Variants in NBAS observed in about 807,000 individuals in gnomAD.
NBAS encodes NAG/BC035112 fusion.
In NBAS, 219 loss-of-function variants were observed where a neutral mutation model predicts 302.5. That is an observed-to-expected ratio of 0.72 (90% CI 0.65 to 0.81). NBAS has a LOEUF of 0.81. NBAS is among the 30% of genes least tolerant of loss of function. NBAS has a pLI of 0.00. For missense variants in NBAS, 2,932 were observed against 2,841.6 expected (o/e 1.03, Z -0.72); for synonymous variants, 1,118 against 1,021.6 (o/e 1.09, Z -1.80).
intron 44 of NBAS, among the ~76,000 whole-genome samples, chr2:15,274,921 C>T (rs374999031): frequency 6.6e-6 from 1 of 151,714 alleles, no homozygotes; most frequent in Non-Finnish European, 1.5e-5. Flanking sequence ...CATACCACCA[C>T]ACCCAGGTAA....
At chr2:14,812,534 G>T in the NBAS span, among the ~76,000 whole-genome samples, 1 of 152,140 alleles carries the variant, frequency 6.6e-6, no homozygotes, top group African/African-American at 2.4e-5. Context: ...AGCCAGAACT[G>T]TGTTGTTTTT....
chr2:15,163,254 C>A (rs1387930504), downstream of NBAS, among the ~76,000 whole-genome samples: 1 of 152,196 alleles, frequency 6.6e-6, no homozygotes. Context: ...CAAGCCAAGT[C>A]CAGCATCCCC....
rs150463237 is a variant in NBAS, at chr2:15,238,530, A to C, written c.5881T>G (p.Ser1961Ala). The change falls in exon 45 of 52, where the codon TCA becomes GCA. Residue 1961 changes from serine to alanine, a missense_variant. By Grantham distance (99) the Ser-to-Ala change is moderately conservative (BLOSUM62 1). Transcript: ENST00000281513. Reference protein sequence around the residue: ...YADTLNHLEKSLAHLETLSHS... With the variant: ...YADTLNHLEKALAHLETLSHS... ...CTCAGGGTTTCCAGGTGGGCAAGTG[A>C]TTTCTCCAGATGATTCAAAGTATCT... 3 of 1,614,184 alleles carry C rather than the reference A, an allele frequency of 1.9e-6. No homozygotes were observed. The African/African-American group carries it at 4.0e-5, about 22-fold the overall frequency.
chr2:15,559,046 G>C lies in NBAS; in HGVS notation c.118-412C>G, dbSNP rs1158100071. ...CCACTGCACTCCAGCCTGGGTGACAGAGTGAGACCCTGCCTCAAAAAAAAA... is the reference window on the plus strand; with the variant it reads ...CCACTGCACTCCAGCCTGGGTGACACAGTGAGACCCTGCCTCAAAAAAAAA... On this transcript the variant is annotated intron_variant, in intron 1 of 51. Transcript: ENST00000281513. 2.9e-5 allele frequency among the ~76,000 whole-genome samples: 3 copies of C among 101,894 alleles called. No homozygotes were observed. The East Asian group carries it at 8.4e-4, about 29-fold the overall frequency. 66.8% of individuals were successfully genotyped at this position (101,894 alleles called of 152,430 possible).
At chr2:15,451,024 C>CTTCA (rs143577908) in intron 21 of NBAS, among the ~76,000 whole-genome samples, 10,618 of 151,428 alleles carry the variant, frequency 0.07, 985 homozygotes, top group African/African-American at 0.21. Flanking sequence ...GGTAATTTAG[C>CTTCA]TTCATTCATT....
At chr2:15,483,486 G>A (rs79264042) in intron 12 of NBAS, 7,505 of 228,106 alleles carry the variant, frequency 0.033, 480 homozygotes, top group African/African-American at 0.14. Context: ...AATTAAGGCC[G>A]AAAATGAGAT....
the NBAS span, among the ~76,000 whole-genome samples, chr2:14,897,077 C>T: frequency 0.51 from 58,207 of 115,140 alleles, 14,881 homozygotes; most frequent in African/African-American, 0.78. Context: ...TTTTTTTTTT[C>T]CATCATTTTA....
the NBAS span, among the ~76,000 whole-genome samples, chr2:15,050,191 C>T: frequency 7.2e-5 from 11 of 152,262 alleles, no homozygotes; most frequent in South Asian, 2.1e-4. Flanking sequence ...CCAGCACACT[C>T]GAACCAAAAA....
At chr2:15,078,019 T>C in the NBAS span, among the ~76,000 whole-genome samples, 1 of 152,132 alleles carries the variant, frequency 6.6e-6, no homozygotes, top group Non-Finnish European at 1.5e-5. Flanking sequence ...CTCTGAATCA[T>C]GATTTTGAAG....
At chr2:15,397,677 T>A in intron 26 of NBAS, 1 of 534,574 alleles carries the variant, frequency 1.9e-6, no homozygotes. Flanking sequence ...AATTTCTTAA[T>A]GCCCTTGTAC....
At chr2:15,366,501 A>ATATTCTGC (rs1237018362) in intron 32 of NBAS, 79 bp downstream of exon 32, 7 of 1,335,902 alleles carry the variant, frequency 5.2e-6, no homozygotes, top group Non-Finnish European at 7.5e-6. Context: ...CTGTAAGCAC[A>ATATTCTGC]TATTCTGCTA....
At chr2:14,902,281 G>A in the NBAS span, among the ~76,000 whole-genome samples, 4 of 152,132 alleles carry the variant, frequency 2.6e-5, no homozygotes, top group African/African-American at 4.8e-5. Flanking sequence ...ACAGGCATGC[G>A]CCACCATACT....
Position 15,427,765 on chromosome 2 carries a change from G to A in NBAS, c.2369C>T (p.Pro790Leu), listed in dbSNP as rs373363220. The A allele has an allele frequency of 1.8e-5, 29 of 1,613,168 alleles. No individual in the cohort carries two copies. The highest frequency in any genetic ancestry group is 2.3e-5 in the Non-Finnish European group (27 of 1,179,740). ...AGCTCGGTGTTTATGTTCATGCCAA[G>A]GAATGATCATCAGGGAGTCACCGTT... The part of the protein sequence containing the change: ...CFNGDSLMII[P>L]WHEHKHRAKD... The change falls in exon 22 of 52, where the codon CCT becomes CTT. Residue 790 changes from proline (P) to leucine (L), a missense_variant. Coordinates refer to ENST00000281513, the MANE Select transcript of NBAS (RefSeq NM_015909.4).
chr2:15,424,531 T>A, intron 22 of NBAS, 63 bp from the exon 23 acceptor site: 1 of 1,577,848 alleles, frequency 6.3e-7, no homozygotes, highest in Non-Finnish European at 8.7e-7. Context: ...TATAATTTTG[T>A]GAGAGAAAGA....
chr2:14,863,688 C>A, the NBAS span, among the ~76,000 whole-genome samples: 1 of 152,200 alleles, frequency 6.6e-6, no homozygotes, highest in Non-Finnish European at 1.5e-5. Context: ...AGAGGCCTGA[C>A]ATTAGCTTAT....
At chr2:15,237,488 A>G (rs1162186283) in intron 45 of NBAS, among the ~76,000 whole-genome samples, 1 of 152,070 alleles carries the variant, frequency 6.6e-6, no homozygotes, top group East Asian at 1.9e-4. Context: ...ACGTTTAACA[A>G]AAATACAGTG....
chr2:15,139,589 G>T, the NBAS span, among the ~76,000 whole-genome samples: 22 of 151,946 alleles, frequency 1.4e-4, no homozygotes, highest in African/African-American at 5.1e-4. Context: ...AAAATAACAA[G>T]AATAATATAT....
Position 15,167,144 on chromosome 2 carries a change from T to C in NBAS, c.7020A>G (p.Glu2340=), listed in dbSNP as rs757507717. The C allele has an allele frequency of 6.2e-7, 1 of 1,614,116 alleles. No homozygotes were observed. Among genetic ancestry groups the C allele is most frequent in the African/African-American group, 1.3e-5 (1 of 74,952 alleles). The part of the protein sequence containing the change: ...LGRHLREAGH[E]AEAGSLLLAV... ...CCAGAAGGAGAGACCCGGCTTCGGC[T>C]TCATGGCCGGCCTCCCGCAGGTGTC... is the stretch of plus-strand genomic sequence containing the variant. The change falls in exon 52 of 52, where the codon GAA becomes GAG. Residue 2340 remains glutamate, a synonymous_variant. Transcript: ENST00000281513.
chr2:15,054,784 C>T, the NBAS span, among the ~76,000 whole-genome samples: 1 of 152,180 alleles, frequency 6.6e-6, no homozygotes, highest in African/African-American at 2.4e-5. Flanking sequence ...GATATGTTTC[C>T]AGGGCATCTT....
Sources: gnomAD v4.1 joint callset for allele counts (sites outside exome capture counted in the v4.1 genomes callset) on GRCh38, gnomAD v4.1.1 for gene constraint, MANE v1.5 for transcripts, NCBI Gene and HGNC (gene_info 2026-07-23, HGNC 2026-07-21) for gene names.